JARID2: variants seen among roughly 807,000 people sequenced by gnomAD.
The protein encoded by JARID2 is protein Jumonji.
JARID2 carries 21 observed loss-of-function variants against 125.6 expected under a neutral mutation model. The ratio of observed to expected loss-of-function variants is 0.17; its 90% CI spans 0.12 to 0.24. The LOEUF is 0.24. Ranked by LOEUF, JARID2 falls within the 10% of genes least tolerant of loss-of-function variation. The pLI is 1.00. For synonymous variants in JARID2, 736 were observed against 661.6 expected, an observed-to-expected ratio of 1.11 and a Z score of -1.73; for missense variants, 1,303 against 1,639.6, an observed-to-expected ratio of 0.79 and a Z score of 3.55.
chr6:15,410,166 A>G (rs1236270469), intron 2 of JARID2, 58 bp from the exon 3 acceptor site: 9 of 1,528,008 alleles, frequency 5.9e-6, no homozygotes, highest in Non-Finnish European at 8.1e-6. Context: ...TAACTGTGGT[A>G]AAGTGCTGCC....
chr6:15,461,136 C>T (rs1184917205), intron 4 of JARID2, among the ~76,000 whole-genome samples: 1 of 152,182 alleles, frequency 6.6e-6, no homozygotes, highest in Non-Finnish European at 1.5e-5. Context: ...CATAGATAGA[C>T]CTTGTGGCAT....
chr6:15,261,543 A>G (rs1217492301), intron 1 of JARID2, among the ~76,000 whole-genome samples: 2 of 151,894 alleles, frequency 1.3e-5, no homozygotes, highest in Non-Finnish European at 2.9e-5. Flanking sequence ...GATGGTCTCC[A>G]TCTCTTGACG....
intron 4 of JARID2, among the ~76,000 whole-genome samples, chr6:15,459,979 A>C (rs1281044346): frequency 6.6e-6 from 1 of 152,190 alleles, no homozygotes; most frequent in Non-Finnish European, 1.5e-5. Context: ...GTGGTACACA[A>C]CTTTTTTTGA....
intron 1 of JARID2, among the ~76,000 whole-genome samples, chr6:15,359,344 C>T (rs1415064621): frequency 6.6e-6 from 1 of 152,174 alleles, no homozygotes; most frequent in Non-Finnish European, 1.5e-5. Context: ...GTATGTCCTG[C>T]CCCTGATGTG....
intron 9 of JARID2, among the ~76,000 whole-genome samples, chr6:15,504,971 TTCTTC>T (rs892602482): frequency 6.6e-6 from 1 of 152,186 alleles, no homozygotes; most frequent in East Asian, 1.9e-4. Flanking sequence ...GTTGTGCTTT[TTCTTC>T]TCTTCTATTT....
chr6:15,343,035 G>T (rs1763119917), intron 1 of JARID2, among the ~76,000 whole-genome samples: 1 of 152,040 alleles, frequency 6.6e-6, no homozygotes, highest in Non-Finnish European at 1.5e-5. Context: ...TTTGAGACCA[G>T]CCTGGCCAGT....
chr6:15,429,471 G>T (rs1413431600), intron 3 of JARID2, among the ~76,000 whole-genome samples: 7 of 151,946 alleles, frequency 4.6e-5, no homozygotes, highest in Non-Finnish European at 8.8e-5. Context: ...TCAGTGTGTT[G>T]CCTGGGCTGG....
At chr6:15,248,858 CG>C in intron 1 of JARID2, 2 of 841,354 alleles carry the variant, frequency 2.4e-6, no homozygotes, top group Non-Finnish European at 2.9e-6. Flanking sequence ...GGGAGCTGGG[CG>C]GGGGCGGGGG....
At chr6:15,251,199 T>C (rs1028309974) in intron 1 of JARID2, among the ~76,000 whole-genome samples, 1 of 152,158 alleles carries the variant, frequency 6.6e-6, no homozygotes, top group African/African-American at 2.4e-5. Context: ...TTAGTAGAGA[T>C]GGAGTTTCAT....
At chr6:15,251,304 C>G (rs1213243454) in intron 1 of JARID2, among the ~76,000 whole-genome samples, 2 of 152,262 alleles carry the variant, frequency 1.3e-5, no homozygotes, top group Non-Finnish European at 1.5e-5. Context: ...GCGTGAGCCA[C>G]TGCACCCAGC....
At chr6:15,369,765 G>A (rs1173191574) in intron 1 of JARID2, among the ~76,000 whole-genome samples, 1 of 152,236 alleles carries the variant, frequency 6.6e-6, no homozygotes, top group Non-Finnish European at 1.5e-5. Context: ...TGGGGTAGGG[G>A]AAGAGTAGCT....
At chr6:15,255,570 T>C (rs1267911288) in intron 1 of JARID2, among the ~76,000 whole-genome samples, 1 of 152,172 alleles carries the variant, frequency 6.6e-6, no homozygotes, top group East Asian at 1.9e-4. Flanking sequence ...TCTTGGTGGT[T>C]CTGTCTCCAT....
intron 1 of JARID2, among the ~76,000 whole-genome samples, chr6:15,309,882 G>A (rs1396454356): frequency 6.6e-6 from 1 of 152,124 alleles, no homozygotes; most frequent in Non-Finnish European, 1.5e-5. Context: ...AGTTTAGGAA[G>A]AGGGATGGAT....
At chr6:15,293,258 G>T (rs1162091296) in intron 1 of JARID2, among the ~76,000 whole-genome samples, 1 of 152,180 alleles carries the variant, frequency 6.6e-6, no homozygotes, top group Non-Finnish European at 1.5e-5. Context: ...GATTTGCACA[G>T]GCCCTTATTA....
At chr6:15,383,349 C>T (rs904942524) in intron 2 of JARID2, among the ~76,000 whole-genome samples, 2 of 150,540 alleles carry the variant, frequency 1.3e-5, no homozygotes, top group African/African-American at 4.9e-5. Flanking sequence ...AAGGGTCTCT[C>T]TAGTTTCTTT....
chr6:15,482,010 C>G (rs1327127338), intron 5 of JARID2, among the ~76,000 whole-genome samples: 1 of 152,152 alleles, frequency 6.6e-6, no homozygotes, highest in Non-Finnish European at 1.5e-5. Flanking sequence ...TTTGTGACCT[C>G]AAAATACAAT....
At chr6:15,271,990 A>G (rs1439105934) in intron 1 of JARID2, among the ~76,000 whole-genome samples, 1 of 152,100 alleles carries the variant, frequency 6.6e-6, no homozygotes, top group Admixed American at 6.5e-5. Context: ...GCAGAGCGAG[A>G]CTGTCGCCTG....
At chr6:15,309,043 C>G (rs1195252478) in intron 1 of JARID2, among the ~76,000 whole-genome samples, 2 of 152,224 alleles carry the variant, frequency 1.3e-5, no homozygotes, top group African/African-American at 2.4e-5. Context: ...TACTTCCTGT[C>G]TCAGCCTGAA....
At chr6:15,251,314 C>T (rs1759442673) in intron 1 of JARID2, among the ~76,000 whole-genome samples, 1 of 152,210 alleles carries the variant, frequency 6.6e-6, no homozygotes, top group African/African-American at 2.4e-5. Flanking sequence ...CTGCACCCAG[C>T]CAGCTGAACA....
Sources: gnomAD v4.1 joint callset for allele counts (sites outside exome capture counted in the v4.1 genomes callset) on GRCh38, gnomAD v4.1.1 for gene constraint, MANE v1.5 for transcripts, NCBI Gene and HGNC (gene_info 2026-07-23, HGNC 2026-07-21) for gene names.